PNOC: variants seen among roughly 807,000 people sequenced by gnomAD.
PNOC encodes nociceptin.
In PNOC, 10 loss-of-function variants were observed where a neutral mutation model predicts 15.6. The ratio of observed to expected loss-of-function variants is 0.64; its 90% CI spans 0.40 to 1.09. The LOEUF (loss-of-function observed/expected upper bound fraction) is 1.09. PNOC is among the 50% of genes least tolerant of loss of function. The probability of loss-of-function intolerance (pLI) is 0.01; values close to 1 mark genes in which losing one functional copy is unlikely to be tolerated. For synonymous variants in PNOC, 98 were observed against 88.5 expected, an observed-to-expected ratio of 1.11 and a Z score of -0.60; for missense variants, 220 against 223.9, an observed-to-expected ratio of 0.98 and a Z score of 0.11.
intron 2 of PNOC, among the ~76,000 whole-genome samples, chr8:28,337,749 AT>A (rs34374836): frequency 1.4e-3 from 198 of 139,956 alleles, no homozygotes; most frequent in African/African-American, 2.0e-3. Flanking sequence ...CGCCCAGCTA[AT>A]TTTTTTTTTT....
chr8:28,343,330 C>T lies in PNOC; in HGVS notation c.*436C>T, dbSNP rs528254343. On this transcript the variant is annotated 3_prime_UTR_variant, in exon 4 of 4. Coordinates refer to ENST00000301908, the MANE Select transcript of PNOC (RefSeq NM_006228.5). ...TTTAAACAACGATTTCTCCATTAAA[C>T]TTCTACTGAGCAAATGGTTAATAAA... The T allele has an allele frequency of 4.6e-5, 7 of 152,788 alleles. No homozygotes were observed. The highest frequency in any genetic ancestry group is 1.7e-4 in the African/African-American group (7 of 41,584). The allele number at this position is 152,788 out of a possible 1,614,324, so 9.5% of individuals were successfully genotyped here.
intron 3 of PNOC, among the ~76,000 whole-genome samples, chr8:28,342,209 C>T (rs1031353910): frequency 8.6e-5 from 13 of 152,034 alleles, no homozygotes; most frequent in African/African-American, 2.4e-4. Context: ...GCCACTTAGC[C>T]GGGCGTTGTG....
intron 2 of PNOC, among the ~76,000 whole-genome samples, chr8:28,330,222 AG>A (rs1185894381): frequency 3.9e-5 from 6 of 151,942 alleles, no homozygotes; most frequent in Non-Finnish European, 7.4e-5. Context: ...CTGGGATTAC[AG>A]GCATGAGCCA....
At chr8:28,339,654 AT>A (rs1801482133) in intron 3 of PNOC, 163 bp downstream of exon 3, 1 of 504,952 alleles carries the variant, frequency 2.0e-6, no homozygotes. Flanking sequence ...TAGGCAGCAG[AT>A]TTTCCTATGA....
chr8:28,339,806 C>G (rs1281332316), intron 3 of PNOC: 1 of 179,402 alleles, frequency 5.6e-6, no homozygotes, highest in Admixed American at 6.1e-5. Flanking sequence ...ATACGCCCAT[C>G]CAGTTGCCAC....
chr8:28,337,856 G>A (rs1172574061), intron 2 of PNOC, among the ~76,000 whole-genome samples: 1 of 151,988 alleles, frequency 6.6e-6, no homozygotes, highest in Non-Finnish European at 1.5e-5. Flanking sequence ...CTCCCAAAGT[G>A]CTGGGATTAC....
chr8:28,336,039 G>A (rs1801406874), intron 2 of PNOC, among the ~76,000 whole-genome samples: 1 of 152,212 alleles, frequency 6.6e-6, no homozygotes, highest in African/African-American at 2.4e-5. Context: ...CGCATGCTAA[G>A]CACTAGGGGC....
chr8:28,321,205 A>ATT (rs1563325767), intron 1 of PNOC, among the ~76,000 whole-genome samples: 93 of 102,440 alleles, frequency 9.1e-4, no homozygotes, highest in African/African-American at 3.2e-3. Context: ...CACCTAGCTA[A>ATT]ATTTTTTTTT....
chr8:28,332,421 T>C (rs1801343080), intron 2 of PNOC, among the ~76,000 whole-genome samples: 1 of 152,176 alleles, frequency 6.6e-6, no homozygotes, highest in African/African-American at 2.4e-5. Context: ...ATCAAGAAAC[T>C]TTTTATTTCT....
intron 1 of PNOC, among the ~76,000 whole-genome samples, chr8:28,321,483 T>G (rs1801151357): frequency 6.6e-6 from 1 of 152,136 alleles, no homozygotes; most frequent in African/African-American, 2.4e-5. Flanking sequence ...ACACTCTTTC[T>G]ATGGCTTTCC....
At chr8:28,330,402 T>TTTATTTTATTTTATTTTTA in intron 2 of PNOC, among the ~76,000 whole-genome samples, 1 of 131,732 alleles carries the variant, frequency 7.6e-6, no homozygotes, top group South Asian at 2.6e-4. Flanking sequence ...TTTTATTTTT[T>TTTATTTTATTTTATTTTTA]TTTTTTTTTT....
chr8:28,329,279 T>C lies in PNOC; in HGVS notation c.122T>C (p.Leu41Pro). Reference protein sequence around the residue: ...KLHPALDSFDLEVCILECEEK... With the variant: ...KLHPALDSFDPEVCILECEEK... ...CACCCAGCCCTGGACAGCTTCGACC[T>C]GGAGGTAGGTCTCCAAGGCAAGGCA... The change falls in exon 2 of 4, where the codon CTG becomes CCG. Residue 41 changes from leucine to proline, a missense_variant. Physicochemically the swap from Leu to Pro is moderately conservative, Grantham distance 98. Transcript: ENST00000301908. 1 of 1,613,290 alleles carries C rather than the reference T, an allele frequency of 6.2e-7. No individual in the cohort carries two copies. Among genetic ancestry groups the C allele is most frequent in the Non-Finnish European group, 8.5e-7 (1 of 1,180,010 alleles).
intron 2 of PNOC, 34 bp downstream of exon 2, chr8:28,329,317 T>G (rs778471219): frequency 6.2e-7 from 1 of 1,608,220 alleles, no homozygotes; most frequent in African/African-American, 1.3e-5. Flanking sequence ...GAGGCTGTCC[T>G]CCTCCCTGAC....
chr8:28,338,431 C>A (rs1234139625), intron 2 of PNOC, among the ~76,000 whole-genome samples: 2 of 152,036 alleles, frequency 1.3e-5, no homozygotes, highest in African/African-American at 2.4e-5. Flanking sequence ...ACAGGTTCAG[C>A]CCCGCACGTC....
At chr8:28,322,638 C>A (rs139886485) in intron 1 of PNOC, among the ~76,000 whole-genome samples, 3 of 152,164 alleles carry the variant, frequency 2.0e-5, no homozygotes, top group African/African-American at 7.2e-5. Context: ...TAGCGCAAAG[C>A]CTGGCTCATA....
intron 3 of PNOC, among the ~76,000 whole-genome samples, chr8:28,342,151 C>T (rs1801530778): frequency 1.3e-5 from 2 of 152,050 alleles, no homozygotes; most frequent in African/African-American, 4.8e-5. Flanking sequence ...TTGAGACCAG[C>T]CTGGCCAACA....
intron 1 of PNOC, among the ~76,000 whole-genome samples, 168 bp from the exon 2 acceptor site, chr8:28,328,967 A>T (rs1563328007): frequency 1.3e-5 from 2 of 152,106 alleles, no homozygotes; most frequent in South Asian, 4.2e-4. Flanking sequence ...AGGGTCGCCT[A>T]TGGCCTTGAC....
intron 2 of PNOC, among the ~76,000 whole-genome samples, chr8:28,330,560 C>CTT (rs34364812): frequency 3.3e-4 from 35 of 105,046 alleles, no homozygotes; most frequent in African/African-American, 1.1e-3. Context: ...CACCCGGCTA[C>CTT]TTTTTTTTTT....
At chr8:28,338,804 C>A in intron 2 of PNOC, 2 of 1,166,884 alleles carry the variant, frequency 1.7e-6, no homozygotes, top group Non-Finnish European at 2.2e-6. Flanking sequence ...TTACGCTCAC[C>A]TCTCTGAGCC....
Sources: gnomAD v4.1 joint callset for allele counts (sites outside exome capture counted in the v4.1 genomes callset) on GRCh38, gnomAD v4.1.1 for gene constraint, MANE v1.5 for transcripts, NCBI Gene and HGNC (gene_info 2026-07-23, HGNC 2026-07-21) for gene names.